BCAS4: variants seen among roughly 807,000 people sequenced by gnomAD.
BCAS4 encodes breast carcinoma amplified sequence 4, also known as breast carcinoma-amplified sequence 4.
In BCAS4, 9 loss-of-function variants were observed where a neutral mutation model predicts 15.7. That is an observed-to-expected ratio of 0.57 (90% CI 0.34 to 1.00). The LOEUF is 1.00. Among genes scored for constraint, BCAS4 ranks in the 50% least tolerant of loss-of-function variants. BCAS4 has a pLI of 0.02. For synonymous variants in BCAS4, 101 were observed against 99.5 expected (o/e 1.02, Z -0.09); for missense variants, 225 against 239.1 (o/e 0.94, Z 0.39).
chr20:50,871,109 G>C (rs1400039868), intron 4 of BCAS4, among the ~76,000 whole-genome samples: 2 of 152,348 alleles, frequency 1.3e-5, no homozygotes, highest in African/African-American at 4.8e-5. Context: ...TCTTCTCTGA[G>C]ATTTTCAAAG....
At chr20:50,833,407 A>C (rs2088367850) in intron 3 of BCAS4, among the ~76,000 whole-genome samples, 1 of 152,230 alleles carries the variant, frequency 6.6e-6, no homozygotes, top group Non-Finnish European at 1.5e-5. Flanking sequence ...TCTCAGCTCC[A>C]GTGCTGCTGA....
At chr20:50,813,007 C>T (rs775156341) in intron 1 of BCAS4, among the ~76,000 whole-genome samples, 5 of 151,342 alleles carry the variant, frequency 3.3e-5, no homozygotes, top group African/African-American at 7.3e-5. Flanking sequence ...TTTGTAGAGA[C>T]GGTGTCTCAC....
chr20:50,812,289 C>T (rs546483238), intron 1 of BCAS4, among the ~76,000 whole-genome samples: 5 of 151,906 alleles, frequency 3.3e-5, no homozygotes, highest in Non-Finnish European at 7.4e-5. Context: ...CCCACTACCA[C>T]GCCCGGCTAA....
chr20:50,854,447 G>T (rs190992659), intron 4 of BCAS4, among the ~76,000 whole-genome samples: 1 of 152,290 alleles, frequency 6.6e-6, no homozygotes, highest in Non-Finnish European at 1.5e-5. Flanking sequence ...GCACCCGGAC[G>T]CTCTGCGCTG....
At chr20:50,846,780 A>C (rs1366153511) in intron 4 of BCAS4, 1 of 151,522 alleles carries the variant, frequency 6.6e-6, no homozygotes, top group East Asian at 1.9e-4. Context: ...CGCCAGGCTA[A>C]TTTTTGTATT....
At position 50,856,362 on chromosome 20, in the gene BCAS4, A is replaced by G. The variant is rs1317539871; in HGVS notation, c.399+14462A>G. Among the ~76,000 whole-genome samples, 5 of 152,152 alleles carry G rather than the reference A, an allele frequency of 3.3e-5. 1 individual carries two copies. The East Asian group carries it at 7.7e-4, about 23-fold the overall frequency. ...TGCCTGTTCTGGCTGATAACATCAC[A>G]CCTTGTCATGCTGCCAGGCCCAAAG... is the stretch of plus-strand genomic sequence containing the variant. On this transcript the variant is annotated intron_variant, in intron 4 of 4. Coordinates refer to ENST00000371608, the MANE Select transcript of BCAS4 (RefSeq NM_198799.4).
chr20:50,875,658 A>G (rs946491218), intron 4 of BCAS4, among the ~76,000 whole-genome samples: 10 of 151,516 alleles, frequency 6.6e-5, no homozygotes, highest in East Asian at 5.9e-4. Flanking sequence ...GTGCACGCCT[A>G]TAATCCCGGT....
At chr20:50,828,965 C>G (rs1366034827) in intron 2 of BCAS4, among the ~76,000 whole-genome samples, 2 of 152,174 alleles carry the variant, frequency 1.3e-5, no homozygotes. Flanking sequence ...CATCGTCTTG[C>G]ACCACTGTCC....
intron 4 of BCAS4, among the ~76,000 whole-genome samples, chr20:50,875,754 G>A (rs1036979732): frequency 1.3e-5 from 2 of 151,838 alleles, no homozygotes; most frequent in Non-Finnish European, 2.9e-5. Flanking sequence ...TGTACTCCAG[G>A]CTGGGTGACA....
At chr20:50,850,946 G>A (rs73280625) in intron 4 of BCAS4, among the ~76,000 whole-genome samples, 2,065 of 152,288 alleles carry the variant, frequency 0.014, 54 homozygotes, top group African/African-American at 0.045. Flanking sequence ...GGCCATGGGC[G>A]GAGCTGCCCT....
intron 2 of BCAS4, among the ~76,000 whole-genome samples, chr20:50,823,151 C>A (rs867930459): frequency 5.0e-4 from 76 of 150,644 alleles, no homozygotes; most frequent in African/African-American, 1.7e-3. Flanking sequence ...ACCAGCCTGG[C>A]CAACATGGCG....
intron 4 of BCAS4, chr20:50,876,189 G>A (rs1191331102): frequency 2.5e-6 from 1 of 394,764 alleles, no homozygotes; most frequent in African/African-American, 2.1e-5. Context: ...GACCTCAAGT[G>A]ATCCGCCTGC....
At chr20:50,836,582 C>A (rs2088413123) in intron 3 of BCAS4, among the ~76,000 whole-genome samples, 1 of 152,126 alleles carries the variant, frequency 6.6e-6, no homozygotes, top group Admixed American at 6.6e-5. Flanking sequence ...GCCGGGGGTC[C>A]TGGGGTGACT....
At chr20:50,806,127 A>G (rs1410033097) in intron 1 of BCAS4, among the ~76,000 whole-genome samples, 1 of 152,182 alleles carries the variant, frequency 6.6e-6, no homozygotes, top group Non-Finnish European at 1.5e-5. Context: ...TGGAGGTGGC[A>G]TCTCACTGGG....
chr20:50,827,770 G>C (rs535412545), intron 2 of BCAS4, among the ~76,000 whole-genome samples: 17 of 152,134 alleles, frequency 1.1e-4, no homozygotes, highest in Non-Finnish European at 1.6e-4. Flanking sequence ...ACTGTCGCCC[G>C]GGCTGGAGTG....
Position 50,830,282 on chromosome 20 carries a change from A to G in BCAS4, c.166A>G (p.Arg56Gly). The G allele has an allele frequency of 6.2e-7, 1 of 1,613,350 alleles. No individual in the cohort carries two copies. The highest frequency in any genetic ancestry group is 8.5e-7 in the Non-Finnish European group (1 of 1,179,296). Residue 56 changes from arginine to glycine, a missense_variant, in exon 3 of 5, where the codon AGG (arginine) becomes GGG (glycine). Coordinates refer to ENST00000371608, the MANE Select transcript of BCAS4 (RefSeq NM_198799.4). ...EEFCSLADLI[R>G]SDTSQILEEN... The stretch of plus-strand genomic sequence containing the variant: ...TGAGCTGTTTTGTTCCTTGCAGATC[A>G]GGAGTGATACTTCACAGATCCTGGA...
chr20:50,827,559 T>C (rs6020774), intron 2 of BCAS4, among the ~76,000 whole-genome samples: 19,686 of 152,288 alleles, frequency 0.13, 1,343 homozygotes, highest in Admixed American at 0.15. Context: ...GTTGCTCAGC[T>C]TGTCCCAGCT....
intron 4 of BCAS4, among the ~76,000 whole-genome samples, chr20:50,863,566 G>A (rs990742632): frequency 6.6e-6 from 1 of 152,154 alleles, no homozygotes. Flanking sequence ...CCTAGTTGGT[G>A]CTATTTTCAA....
intron 1 of BCAS4, among the ~76,000 whole-genome samples, chr20:50,815,696 C>T (rs1431112162): frequency 6.6e-6 from 1 of 152,170 alleles, no homozygotes; most frequent in African/African-American, 2.4e-5. Context: ...TATACTCCAG[C>T]CTGAAAGATG....
Sources: gnomAD v4.1 joint callset for allele counts (sites outside exome capture counted in the v4.1 genomes callset) on GRCh38, gnomAD v4.1.1 for gene constraint, MANE v1.5 for transcripts, NCBI Gene and HGNC (gene_info 2026-07-23, HGNC 2026-07-21) for gene names.